SHANK2: variants seen among roughly 807,000 people sequenced by gnomAD.
SHANK2 encodes SH3 and multiple ankyrin repeat domains 2, also known as SH3 and multiple ankyrin repeat domains protein 2.
Under a neutral mutation model 133.7 loss-of-function variants are expected in SHANK2, and 43 were observed. The ratio of observed to expected loss-of-function variants is 0.32; its 90% CI spans 0.25 to 0.41. The LOEUF (loss-of-function observed/expected upper bound fraction) is 0.41, where lower values mean the gene tolerates loss of function less well. Among genes scored for constraint, SHANK2 ranks in the 10% least tolerant of loss-of-function variants. SHANK2 has a pLI of 1.00. For missense variants in SHANK2, 1,994 were observed against 2,235.8 expected, an observed-to-expected ratio of 0.89 and a Z score of 2.18; for synonymous variants, 1,017 against 952.8, an observed-to-expected ratio of 1.07 and a Z score of -1.24.
intron 15 of SHANK2, among the ~76,000 whole-genome samples, chr11:70,662,465 C>T (rs988845835): frequency 6.6e-6 from 1 of 152,144 alleles, no homozygotes; most frequent in Non-Finnish European, 1.5e-5. Flanking sequence ...CCCCCTCCAG[C>T]GTCCCCCCGG....
intron 17 of SHANK2, among the ~76,000 whole-genome samples, chr11:70,590,005 A>T (rs1205641801): frequency 6.6e-6 from 1 of 151,976 alleles, no homozygotes; most frequent in Non-Finnish European, 1.5e-5. Context: ...TACAAAAAAA[A>T]TTAGCCAGGC....
intron 17 of SHANK2, among the ~76,000 whole-genome samples, chr11:70,605,017 T>A (rs2060555834): frequency 6.6e-6 from 1 of 152,160 alleles, no homozygotes; most frequent in African/African-American, 2.4e-5. Flanking sequence ...GGCTCTACAG[T>A]CAGGACCAGA....
intron 17 of SHANK2, among the ~76,000 whole-genome samples, chr11:70,530,248 G>A (rs557351091): frequency 3.9e-5 from 6 of 152,210 alleles, no homozygotes; most frequent in African/African-American, 7.2e-5. Context: ...GCCGGGCACC[G>A]TGGCTCATGC....
chr11:70,750,083 G>A (rs894105749), intron 14 of SHANK2, among the ~76,000 whole-genome samples: 3 of 152,214 alleles, frequency 2.0e-5, no homozygotes, highest in African/African-American at 7.2e-5. Context: ...GGCAGATGCT[G>A]TTATTTATGG....
intron 12 of SHANK2, among the ~76,000 whole-genome samples, chr11:70,813,077 C>T (rs1483162182): frequency 6.6e-6 from 1 of 152,038 alleles, no homozygotes; most frequent in Admixed American, 6.5e-5. Flanking sequence ...GAGCCCATCG[C>T]CATGTGGGTC....
Position 70,699,651 on chromosome 11 carries a change from A to G in SHANK2, c.1778-888T>C, listed in dbSNP as rs536885819. Among the ~76,000 whole-genome samples the G allele has an allele frequency of 3.2e-4, 48 of 152,360 alleles. No individual in the cohort carries two copies. In the East Asian group the frequency reaches 8.1e-3, roughly 26 times the overall value. ...TCATTTTTTCTTCCACTCAAACCCC[A>G]AAATGCACATTTGCAGTTCAAAAGT... On this transcript the variant is annotated intron_variant, in intron 14 of 25. Coordinates refer to ENST00000601538, the MANE Select transcript of SHANK2 (RefSeq NM_012309.5).
At chr11:71,164,019 A>C (rs1555110356) in intron 2 of SHANK2, among the ~76,000 whole-genome samples, 1 of 152,162 alleles carries the variant, frequency 6.6e-6, no homozygotes, top group African/African-American at 2.4e-5. Flanking sequence ...AACCTGTTGC[A>C]CTTAGGATCT....
chr11:70,619,669 A>G (rs869612), intron 17 of SHANK2, among the ~76,000 whole-genome samples: 95,088 of 152,066 alleles, frequency 0.63, 30,142 homozygotes, highest in Middle Eastern at 0.71. Context: ...TGGGCTCTGC[A>G]GAGAGGCTGC....
Position 70,497,733 on chromosome 11 carries a change from C to T in SHANK2, c.2308+2837G>A, listed in dbSNP as rs545076932. On this transcript the variant is annotated intron_variant, in intron 21 of 25. Transcript: ENST00000601538. ...GCCCTGTGCTAGAGAAATCTTGCCA[C>T]TGCTCTGCATCCTCAGCAAATCACA... Among the ~76,000 whole-genome samples the T allele has an allele frequency of 3.3e-5, 5 of 152,376 alleles. No individual in the cohort carries two copies. In the South Asian group the frequency reaches 6.2e-4, roughly 19 times the overall value.
intron 17 of SHANK2, among the ~76,000 whole-genome samples, chr11:70,593,080 A>G (rs1357428102): frequency 6.6e-6 from 1 of 152,204 alleles, no homozygotes; most frequent in Non-Finnish European, 1.5e-5. Flanking sequence ...AGTTCGGGGA[A>G]GGCCTGTGGC....
intron 6 of SHANK2, among the ~76,000 whole-genome samples, chr11:71,097,230 GCCA>G (rs1951631253): frequency 6.6e-6 from 1 of 152,044 alleles, no homozygotes; most frequent in African/African-American, 2.4e-5. Context: ...CCCTGGCTTA[GCCA>G]CCACATTTGC....
intron 12 of SHANK2, among the ~76,000 whole-genome samples, chr11:70,810,719 TG>T (rs1275900217): frequency 1.3e-5 from 2 of 152,084 alleles, no homozygotes; most frequent in African/African-American, 2.4e-5. Flanking sequence ...TGGTAGAGGG[TG>T]GGGGTAGGGC....
chr11:70,937,402 G>A lies in SHANK2; in HGVS notation c.1108-40835C>T, dbSNP rs556049347. Among the ~76,000 whole-genome samples, 10 of 152,318 alleles carry A rather than the reference G, an allele frequency of 6.6e-5. No individual in the cohort carries two copies. In the East Asian group the frequency reaches 1.3e-3, roughly 21 times the overall value. On this transcript the variant is annotated intron_variant, in intron 10 of 25. Transcript: ENST00000601538. The stretch of plus-strand genomic sequence containing the variant: ...CCTGATGGAGGCTCCCCAGGACCTC[G>A]CTTCCCTGAGAGCCCGGTGAGGCCC...
At chr11:70,491,617 A>C (rs2058888169) in intron 22 of SHANK2, among the ~76,000 whole-genome samples, 1 of 152,276 alleles carries the variant, frequency 6.6e-6, no homozygotes, top group Admixed American at 6.5e-5. Context: ...CAAAGAGAAT[A>C]CTAAGGTAAG....
intron 17 of SHANK2, among the ~76,000 whole-genome samples, chr11:70,612,312 A>G (rs1456979396): frequency 6.6e-6 from 1 of 152,174 alleles, no homozygotes; most frequent in Non-Finnish European, 1.5e-5. Flanking sequence ...GCCTACCTGT[A>G]GCCCCCATCT....
intron 1 of SHANK2, among the ~76,000 whole-genome samples, chr11:71,229,676 C>A (rs781902404): frequency 3.3e-5 from 5 of 150,688 alleles, no homozygotes; most frequent in African/African-American, 4.9e-5. Context: ...AGGAGAATAG[C>A]CTGAACCAGG....
chr11:71,187,925 C>T (rs2135569111), intron 2 of SHANK2, among the ~76,000 whole-genome samples: 1 of 152,308 alleles, frequency 6.6e-6, no homozygotes, highest in Middle Eastern at 3.4e-3. Context: ...GCCGGGTGGC[C>T]TTCCCTGCAC....
chr11:70,952,397 T>C (rs1211865822), intron 10 of SHANK2, among the ~76,000 whole-genome samples: 2 of 152,244 alleles, frequency 1.3e-5, no homozygotes, highest in Non-Finnish European at 2.9e-5. Context: ...GGGTGCGCTG[T>C]GGAAACCGTA....
chr11:71,155,706 G>A (rs370935755), intron 2 of SHANK2, among the ~76,000 whole-genome samples: 89 of 24,744 alleles, frequency 3.6e-3, no homozygotes, highest in African/African-American at 0.013. Flanking sequence ...GAGGTGGCCC[G>A]TCCCACCCAC....
Sources: allele counts gnomAD v4.1 joint callset (sites outside exome capture counted in the v4.1 genomes callset), GRCh38; gene constraint gnomAD v4.1.1; transcripts MANE v1.5; gene names NCBI Gene and HGNC (gene_info 2026-07-23, HGNC 2026-07-21).